HS6ST3: variants seen among roughly 807,000 people sequenced by gnomAD.
HS6ST3 encodes the protein heparan-sulfate 6-O-sulfotransferase 3.
Under a neutral mutation model 36.7 loss-of-function variants are expected in HS6ST3, and 12 were observed. The ratio of observed to expected loss-of-function variants is 0.33; its 90% confidence interval spans 0.21 to 0.53. The LOEUF (loss-of-function observed/expected upper bound fraction) is 0.53. HS6ST3 is among the 20% of genes least tolerant of loss of function. HS6ST3 has a pLI of 0.95. For synonymous variants in HS6ST3, 240 were observed against 257.5 expected (o/e 0.93, Z 0.65); for missense variants, 584 against 640.9 (o/e 0.91, Z 0.96).
chr13:96,503,205 C>T (rs2056012489), intron 1 of HS6ST3, among the ~76,000 whole-genome samples: 1 of 152,110 alleles, frequency 6.6e-6, no homozygotes. Flanking sequence ...AGCAGCTTCT[C>T]CTATTCCTCC....
At position 96,100,136 on chromosome 13, in the gene HS6ST3, A is replaced by C. The variant is rs78962413; in HGVS notation, c.707+8567A>C. On this transcript the variant is annotated intron_variant, in intron 1 of 1. Transcript: ENST00000376705. ...GAAATCCTAAAATAACTGAATCAGA[A>C]AGAAGGTAATATTGAACATAGAAGA... Among the ~76,000 whole-genome samples the C allele has an allele frequency of 8.2e-3, 1,248 of 152,292 alleles. 12 individuals carry two copies. Among genetic ancestry groups the C allele is most frequent in the Non-Finnish European group, 0.014 (972 of 68,020 alleles).
At chr13:96,371,401 C>T (rs1024563251) in intron 1 of HS6ST3, among the ~76,000 whole-genome samples, 4 of 152,140 alleles carry the variant, frequency 2.6e-5, no homozygotes, top group African/African-American at 9.7e-5. Flanking sequence ...TACAATGTGA[C>T]ATGATTACCA....
At chr13:96,407,993 T>A (rs546848533) in intron 1 of HS6ST3, among the ~76,000 whole-genome samples, 1 of 152,244 alleles carries the variant, frequency 6.6e-6, no homozygotes, top group Non-Finnish European at 1.5e-5. Flanking sequence ...CAGGCTGGAG[T>A]GCAGTGGCAC....
At chr13:96,091,645 C>G in intron 1 of HS6ST3, 76 bp downstream of exon 1, 1 of 1,452,078 alleles carries the variant, frequency 6.9e-7, no homozygotes, top group East Asian at 2.5e-5. Flanking sequence ...CCAGAGCGAC[C>G]CCGCGCTCCC....
intron 1 of HS6ST3, among the ~76,000 whole-genome samples, chr13:96,314,506 G>A (rs987560603): frequency 6.6e-6 from 1 of 152,172 alleles, no homozygotes; most frequent in Non-Finnish European, 1.5e-5. Context: ...GTCTTTGGAT[G>A]TAACTCAGCA....
At chr13:96,673,787 T>C (rs1210879188) in intron 1 of HS6ST3, among the ~76,000 whole-genome samples, 1 of 152,196 alleles carries the variant, frequency 6.6e-6, no homozygotes, top group Non-Finnish European at 1.5e-5. Flanking sequence ...TTTAGTGTTC[T>C]TCCTTATGCC....
chr13:96,368,033 C>G (rs2055271722), intron 1 of HS6ST3, among the ~76,000 whole-genome samples: 1 of 152,176 alleles, frequency 6.6e-6, no homozygotes, highest in African/African-American at 2.4e-5. Context: ...CCCCAAAACT[C>G]CAGACTCCCC....
intron 1 of HS6ST3, among the ~76,000 whole-genome samples, chr13:96,402,853 A>G (rs192368241): frequency 6.6e-6 from 1 of 152,310 alleles, no homozygotes; most frequent in Admixed American, 6.5e-5. Flanking sequence ...TGGGGCTTTT[A>G]TGAAGAAAAT....
intron 1 of HS6ST3, among the ~76,000 whole-genome samples, chr13:96,511,981 T>G (rs1337938883): frequency 6.6e-6 from 1 of 152,208 alleles, no homozygotes; most frequent in East Asian, 1.9e-4. Flanking sequence ...TCTCAGTTGG[T>G]TTAAGGTACC....
chr13:96,829,860 C>A (rs1878737152), intron 1 of HS6ST3, among the ~76,000 whole-genome samples: 1 of 152,022 alleles, frequency 6.6e-6, no homozygotes, highest in South Asian at 2.1e-4. Flanking sequence ...GGCTTTATAA[C>A]CGATAATGAG....
intron 1 of HS6ST3, among the ~76,000 whole-genome samples, chr13:96,367,039 A>G (rs1417807715): frequency 1.3e-5 from 2 of 152,104 alleles, no homozygotes; most frequent in African/African-American, 4.8e-5. Context: ...CTTTTTCTTT[A>G]TTAGTTACCC....
chr13:96,333,350 C>T lies in HS6ST3; in HGVS notation c.707+241781C>T, dbSNP rs562273908. On this transcript the variant is annotated intron_variant, in intron 1 of 1. Coordinates refer to ENST00000376705, the MANE Select transcript of HS6ST3 (RefSeq NM_153456.4). Reference sequence around the variant, plus strand: ...GATGTAGAGCAATTTCCACCAAATGCTTGTGTTCTTTCCTGGAAGATCATT... The same window carrying T: ...GATGTAGAGCAATTTCCACCAAATGTTTGTGTTCTTTCCTGGAAGATCATT... 2.0e-5 allele frequency among the ~76,000 whole-genome samples: 3 copies of T among 151,590 alleles called. No individual in the cohort carries two copies. The East Asian group carries it at 5.9e-4, about 30-fold the overall frequency.
chr13:96,685,221 A>G (rs1874734820), intron 1 of HS6ST3, among the ~76,000 whole-genome samples: 1 of 152,096 alleles, frequency 6.6e-6, no homozygotes, highest in Non-Finnish European at 1.5e-5. Flanking sequence ...TCATTTTGGC[A>G]CTACGTGGCC....
At chr13:96,232,663 A>T (rs887276830) in intron 1 of HS6ST3, among the ~76,000 whole-genome samples, 2 of 152,054 alleles carry the variant, frequency 1.3e-5, no homozygotes, top group South Asian at 4.2e-4. Context: ...AGAGACAAGG[A>T]CTGGAGAGGG....
rs144589819 is a variant in HS6ST3 at position 96,312,270 on chromosome 13, C to T, written c.707+220701C>T. Reference sequence around the variant, plus strand: ...TGGATATGTAGTATTTTCCAATTTGCGTTATGGTTCATTATTTGAATTATG... The same window carrying T: ...TGGATATGTAGTATTTTCCAATTTGTGTTATGGTTCATTATTTGAATTATG... On this transcript the variant is annotated intron_variant, in intron 1 of 1. Transcript: ENST00000376705. Among the ~76,000 whole-genome samples the T allele has an allele frequency of 5.2e-3, 788 of 152,072 alleles. 4 individuals are homozygous for T. The highest frequency in any genetic ancestry group is 6.9e-3 in the Non-Finnish European group (470 of 68,002).
chr13:96,595,453 AT>A (rs148047048), intron 1 of HS6ST3, among the ~76,000 whole-genome samples: 4 of 150,792 alleles, frequency 2.7e-5, no homozygotes, highest in African/African-American at 7.3e-5. Flanking sequence ...TGCTTTCAGG[AT>A]TTTTTTTCTC....
At chr13:96,334,054 G>A (rs945339867) in intron 1 of HS6ST3, among the ~76,000 whole-genome samples, 1 of 152,206 alleles carries the variant, frequency 6.6e-6, no homozygotes, top group Non-Finnish European at 1.5e-5. Context: ...GAATATGAGA[G>A]CTCTATCAGG....
chr13:96,671,043 G>T (rs1305550925), intron 1 of HS6ST3, among the ~76,000 whole-genome samples: 1 of 152,108 alleles, frequency 6.6e-6, no homozygotes, highest in Non-Finnish European at 1.5e-5. Flanking sequence ...ACACTTAGGG[G>T]TAATGAAAGT....
chr13:96,139,567 A>AAAAAAAAAAAT (rs1491242538), intron 1 of HS6ST3, among the ~76,000 whole-genome samples: 11 of 138,748 alleles, frequency 7.9e-5, no homozygotes, highest in African/African-American at 2.2e-4. Flanking sequence ...AAAAAAAAAA[A>AAAAAAAAAAAT]TCCATGTATA....
Sources: allele counts gnomAD v4.1 joint callset (sites outside exome capture counted in the v4.1 genomes callset), GRCh38; gene constraint gnomAD v4.1.1; transcripts MANE v1.5; gene names NCBI Gene and HGNC (gene_info 2026-07-23, HGNC 2026-07-21).